Variants in NXNL1 observed in about 807,000 individuals in gnomAD.
NXNL1 encodes the protein nucleoredoxin like 1.
A neutral mutation model predicts 7.2 loss-of-function variants in NXNL1; 6 were observed. That is an observed-to-expected ratio of 0.83 (90% CI 0.46 to 1.64). The LOEUF (loss-of-function observed/expected upper bound fraction) is 1.64, where lower values mean the gene tolerates loss of function less well. Ranked by LOEUF, NXNL1 falls within the 40% of genes most tolerant of loss-of-function variation. The probability of loss-of-function intolerance (pLI) is 0.01; values close to 1 mark genes in which losing one functional copy is unlikely to be tolerated. For synonymous variants in NXNL1, 133 were observed against 127.2 expected (o/e 1.05, Z -0.31); for missense variants, 308 against 285.1 (o/e 1.08, Z -0.58).
intron 1 of NXNL1, 59 bp downstream of exon 1, chr19:17,460,485 T>C: frequency 6.4e-7 from 1 of 1,551,586 alleles, no homozygotes; most frequent in South Asian, 1.2e-5. Flanking sequence ...TTAGAATGGA[T>C]GCTTCACTTT....
chr19:17,457,375 T>C (rs866953956), intron 1 of NXNL1, among the ~76,000 whole-genome samples: 18 of 152,174 alleles, frequency 1.2e-4, no homozygotes, highest in Middle Eastern at 3.4e-3. Context: ...TTTTTTTTTC[T>C]TTTTCTTTTT....
intron 1 of NXNL1, among the ~76,000 whole-genome samples, chr19:17,458,264 G>A (rs1411707174): frequency 1.8e-4 from 24 of 135,170 alleles, no homozygotes; most frequent in Admixed American, 2.5e-4. Flanking sequence ...CTGTCGCCCA[G>A]GCTGGAGTGC....
chr19:17,455,877 C>G lies in NXNL1; in HGVS notation c.409G>C (p.Gly137Arg). The change falls in exon 2 of 2, where the codon GGC becomes CGC. Residue 137 changes from glycine (G) to arginine (R), a missense_variant. Physicochemically the swap from Gly to Arg is moderately radical, Grantham distance 125. Transcript: ENST00000301944. ...CCCAGGCGCTGGATCTCGTCGGCGC[C>G]GTCGCGAGTGAGCACGTCCCCGTCC... The part of the protein sequence containing the change: ...KPDGDVLTRD[G>R]ADEIQRLGTA... 3.8e-6 allele frequency: 6 copies of G among 1,591,216 alleles called. No homozygotes were observed. Among genetic ancestry groups the G allele is most frequent in the Non-Finnish European group, 5.1e-6 (6 of 1,175,594 alleles).
At position 17,455,968 on chromosome 19, in the gene NXNL1, C is replaced by G; in HGVS notation, c.327-9G>C. On this transcript the variant is annotated splice_polypyrimidine_tract_variant and intron_variant, in intron 1 of 1. Transcript: ENST00000301944. ...ACTGGCGCCCGAGGTCCCTGCGGAG[C>G]GGGCAGGTCAGTCTGGACGGATCCA... 6.3e-7 allele frequency: 1 copy of G among 1,597,566 alleles called. No homozygotes were observed. The highest frequency in any genetic ancestry group is 8.5e-7 in the Non-Finnish European group (1 of 1,179,506).
chr19:17,458,659 T>G (rs1406940151), intron 1 of NXNL1, among the ~76,000 whole-genome samples: 1 of 141,232 alleles, frequency 7.1e-6, no homozygotes, highest in Non-Finnish European at 1.5e-5. Context: ...TGGAGTGCAG[T>G]GGTGCGATCT....
At chr19:17,456,098 A>G in intron 1 of NXNL1, 139 bp from the exon 2 acceptor site, 1 of 1,446,268 alleles carries the variant, frequency 6.9e-7, no homozygotes, top group South Asian at 1.4e-5. Context: ...GGTGCACACG[A>G]GGACCGGGAC....
At position 17,455,964 on chromosome 19, in the gene NXNL1, G is replaced by A; in HGVS notation, c.327-5C>T. 2.5e-6 allele frequency: 4 copies of A among 1,597,532 alleles called. No homozygotes were observed. Among genetic ancestry groups the A allele is most frequent in the Middle Eastern group, 1.7e-4 (1 of 6,056 alleles). On this transcript the variant is annotated splice_polypyrimidine_tract_variant and splice_region_variant and intron_variant, in intron 1 of 1. Transcript: ENST00000301944. ...GAGAACTGGCGCCCGAGGTCCCTGC[G>A]GAGCGGGCAGGTCAGTCTGGACGGA...
Position 17,460,841 on chromosome 19 carries a change from A to C in NXNL1, c.29T>G (p.Leu10Arg). 1 of 1,613,678 alleles carries C rather than the reference A, an allele frequency of 6.2e-7. No individual in the cohort carries two copies. The highest frequency in any genetic ancestry group is 8.5e-7 in the Non-Finnish European group (1 of 1,180,032). ...GTCCTGGTCGCTATTGTTGCGGATC[A>C]GGATGCGGCCAGAGAACAGGGAGGC... MASLFSGRI[L>R]IRNNSDQDEL... Residue 10 changes from leucine (L) to arginine (R), a missense_variant, in exon 1 of 2, where the codon CTG becomes CGG. Leu to Arg is a moderately radical substitution (Grantham distance 102). Transcript: ENST00000301944.
intron 1 of NXNL1, among the ~76,000 whole-genome samples, chr19:17,456,804 C>T (rs1436183840): frequency 6.6e-6 from 1 of 151,932 alleles, no homozygotes; most frequent in African/African-American, 2.4e-5. Context: ...AGTAGATTGC[C>T]AGGTTTAGTA....
Position 17,460,712 on chromosome 19 carries a change from A to G in NXNL1, c.158T>C (p.Ile53Thr), listed in dbSNP as rs772567743. 1.2e-6 allele frequency: 2 copies of G among 1,613,834 alleles called. No individual in the cohort carries two copies. The highest frequency in any genetic ancestry group is 3.3e-5 in the Admixed American group (2 of 60,012). The change falls in exon 1 of 2, where the codon ATC (isoleucine) becomes ACC (threonine). Residue 53 changes from isoleucine to threonine, a missense_variant. Coordinates refer to ENST00000301944, the MANE Select transcript of NXNL1 (RefSeq NM_138454.2). Reference sequence around the variant, plus strand: ...GAGCCGCACGAAGAAGTCCTTGAGGATGGGCACGAAGGCCTGGCACTGTGG... The same window carrying G: ...GAGCCGCACGAAGAAGTCCTTGAGGGTGGGCACGAAGGCCTGGCACTGTGG... Reference protein sequence around the residue: ...ACPQCQAFVPILKDFFVRLTD... With the variant: ...ACPQCQAFVPTLKDFFVRLTD...
intron 1 of NXNL1, among the ~76,000 whole-genome samples, chr19:17,460,095 C>T (rs1218679102): frequency 6.6e-6 from 1 of 152,148 alleles, no homozygotes; most frequent in East Asian, 1.9e-4. Flanking sequence ...ACTGCAGCAT[C>T]TGCCTCCCAG....
rs1307534272 is a variant in NXNL1 at position 17,460,899 on chromosome 19, G to A, written c.-30C>T. On this transcript the variant is annotated 5_prime_UTR_variant, in exon 1 of 2. Transcript: ENST00000301944. ...ACCTGGGTTGGGTGCTGGGGACAGC[G>A]CGGCGTGTGGTCCCCGGTCTGCTGA... 2.1e-5 allele frequency: 33 copies of A among 1,600,162 alleles called. No individual in the cohort carries two copies. Among genetic ancestry groups the A allele is most frequent in the African/African-American group, 4.0e-5 (3 of 74,754 alleles).
Position 17,455,663 on chromosome 19 carries a change from G to GGCCCCCCCCCCCCCCCCCCCCCC in NXNL1, c.622_623insGGGGGGGGGGGGGGGGGGGGGGC (p.Ala208GlyfsTer64). The GGCCCCCCCCCCCCCCCCCCCCCC allele has an allele frequency of 1.3e-6, 1 of 771,716 alleles. No individual in the cohort carries two copies. Among genetic ancestry groups the GGCCCCCCCCCCCCCCCCCCCCCC allele is most frequent in the East Asian group, 2.8e-5 (1 of 36,240 alleles). 47.8% of individuals were successfully genotyped at this position (771,716 alleles called of 1,614,324 possible). A position where few individuals can be genotyped will look rare whatever the true frequency, so the allele number is the denominator to read the frequency against. ...CCTAGCGGGTCAGAACAGCCCCCCG[G>GGCCCCCCCCCCCCCCCCCCCCCC]CCCCGCCCTCCTCCCCACCCCCTCC... On this transcript the variant is annotated frameshift_variant, in exon 2 of 2. Transcript: ENST00000301944. LOFTEE classifies it high-confidence loss of function.
At position 17,460,719 on chromosome 19, in the gene NXNL1, C is replaced by T. The variant is rs374915427; in HGVS notation, c.151G>A (p.Val51Met). 18 of 1,613,756 alleles carry T rather than the reference C, an allele frequency of 1.1e-5. No individual in the cohort carries two copies. The African/African-American group carries it at 1.7e-4, about 16-fold the overall frequency. The change falls in exon 1 of 2, where the codon GTG (valine) becomes ATG (methionine). Residue 51 changes from valine (V) to methionine (M), a missense_variant. Physicochemically the swap from Val to Met is conservative, Grantham distance 21. Coordinates refer to ENST00000301944, the MANE Select transcript of NXNL1 (RefSeq NM_138454.2). Reference protein sequence around the residue: ...AGACPQCQAFVPILKDFFVRL... With the variant: ...AGACPQCQAFMPILKDFFVRL... ...ACGAAGAAGTCCTTGAGGATGGGCA[C>T]GAAGGCCTGGCACTGTGGACAAGCC...
chr19:17,460,151 C>T (rs912751546), intron 1 of NXNL1, among the ~76,000 whole-genome samples: 9 of 152,118 alleles, frequency 5.9e-5, no homozygotes, highest in African/African-American at 1.9e-4. Flanking sequence ...GCTGGGATTA[C>T]AGGCGCCCAC....
chr19:17,457,438 C>G (rs1432372983), intron 1 of NXNL1, among the ~76,000 whole-genome samples: 1 of 151,838 alleles, frequency 6.6e-6, no homozygotes, highest in Non-Finnish European at 1.5e-5. Context: ...GTGGCGGGAA[C>G]ACAGATCGTG....
rs372954697 is a variant in NXNL1, at chr19:17,455,880, C to T, written c.406G>A (p.Asp136Asn). The T allele has an allele frequency of 1.4e-5, 23 of 1,591,502 alleles. No individual in the cohort carries two copies. The highest frequency in any genetic ancestry group is 1.3e-4 in the African/African-American group (10 of 74,748). Reference sequence around the variant, plus strand: ...AGGCGCTGGATCTCGTCGGCGCCGTCGCGAGTGAGCACGTCCCCGTCCGGC... The same window carrying T: ...AGGCGCTGGATCTCGTCGGCGCCGTTGCGAGTGAGCACGTCCCCGTCCGGC... ...LKPDGDVLTR[D>N]GADEIQRLGT... The change falls in exon 2 of 2, where the codon GAC becomes AAC. Residue 136 changes from aspartate (D) to asparagine (N), a missense_variant. Asp to Asn is a conservative substitution (Grantham distance 23, BLOSUM62 1). Coordinates refer to ENST00000301944, the MANE Select transcript of NXNL1 (RefSeq NM_138454.2).
intron 1 of NXNL1, among the ~76,000 whole-genome samples, chr19:17,456,986 C>T (rs1246438582): frequency 6.6e-6 from 1 of 151,524 alleles, no homozygotes; most frequent in Non-Finnish European, 1.5e-5. Flanking sequence ...GAAGGCAGAG[C>T]TTGCAGTGAG....
chr19:17,458,436 C>T (rs1245290981), intron 1 of NXNL1, among the ~76,000 whole-genome samples: 1 of 151,434 alleles, frequency 6.6e-6, no homozygotes, highest in Non-Finnish European at 1.5e-5. Flanking sequence ...TTTCGATCTC[C>T]TGACCTCGTG....
Sources: gnomAD v4.1 joint callset for allele counts (sites outside exome capture counted in the v4.1 genomes callset) on GRCh38, gnomAD v4.1.1 for gene constraint, MANE v1.5 for transcripts, NCBI Gene and HGNC (gene_info 2026-07-23, HGNC 2026-07-21) for gene names.